Variants in ABCC4 observed in about 807,000 individuals in gnomAD.
ABCC4 encodes the protein ATP-binding cassette sub-family C member 4.
Under a neutral mutation model 168.5 loss-of-function variants are expected in ABCC4, and 102 were observed. The ratio of observed to expected loss-of-function variants is 0.61; its 90% CI spans 0.52 to 0.71. ABCC4 has a LOEUF of 0.71. Ranked by LOEUF, ABCC4 falls within the 30% of genes least tolerant of loss-of-function variation. The pLI, the probability that ABCC4 is intolerant of heterozygous loss-of-function variation, is 0.00. For missense variants in ABCC4, 1,402 were observed against 1,605.8 expected (o/e 0.87, Z 2.17); for synonymous variants, 617 against 590.7 (o/e 1.04, Z -0.65).
In ABCC4 at chr13:95,034,729, G is replaced by A. The variant is rs769480579; in HGVS notation, c.3746C>T (p.Ser1249Leu). ...CTCATCATATTCTTTCAGTCTTCCT[G>A]AATCTAAAACCTGTTAATCAGCAGA... ...IDSDKIMVLDSGRLKEYDEPY... is the reference protein window; with the variant it reads ...IDSDKIMVLDLGRLKEYDEPY... Residue 1249 changes from serine (S) to leucine (L), a missense_variant, in exon 30 of 31, where the codon TCA (serine) becomes TTA (leucine). By Grantham distance (145) the Ser-to-Leu change is moderately radical (BLOSUM62 -2). Around this residue, in one of 3 missense-constraint regions of ABCC4, gnomAD observed 1,007 missense variants for 1,127.3 expected, o/e 0.89. Coordinates refer to ENST00000645237, the MANE Select transcript of ABCC4 (RefSeq NM_005845.5). The A allele has an allele frequency of 3.7e-6, 6 of 1,613,910 alleles. No homozygotes were observed. In the South Asian group the frequency reaches 6.6e-5, roughly 18 times the overall value.
intron 8 of ABCC4, among the ~76,000 whole-genome samples, chr13:95,196,263 C>T (rs1477754513): frequency 6.6e-6 from 1 of 152,150 alleles, no homozygotes; most frequent in African/African-American, 2.4e-5. Context: ...ATTTTCTGTG[C>T]ATTTTTAGCC....
chr13:95,201,709 A>C (rs562023886), intron 8 of ABCC4, among the ~76,000 whole-genome samples: 2 of 152,292 alleles, frequency 1.3e-5, no homozygotes, highest in East Asian at 3.9e-4. Context: ...GCGGTGGCTT[A>C]TACCTGTAAT....
Position 95,110,892 on chromosome 13 carries a change from C to T in ABCC4, c.2535+5030G>A, listed in dbSNP as rs548311857. Reference sequence around the variant, plus strand: ...CTGAGGTATGAGAATTGCTTGAGCCCGGGAGGTGGAGGCTGCAGTGAGCTG... The same window carrying T: ...CTGAGGTATGAGAATTGCTTGAGCCTGGGAGGTGGAGGCTGCAGTGAGCTG... On this transcript the variant is annotated intron_variant, in intron 20 of 30. Coordinates refer to ENST00000645237, the MANE Select transcript of ABCC4 (RefSeq NM_005845.5). Among the ~76,000 whole-genome samples the T allele has an allele frequency of 6.1e-5, 9 of 148,660 alleles. No homozygotes were observed. The Admixed American group carries it at 6.1e-4, about 10-fold the overall frequency.
intron 19 of ABCC4, among the ~76,000 whole-genome samples, chr13:95,145,394 A>C (rs547435989): frequency 6.6e-6 from 1 of 151,942 alleles, no homozygotes; most frequent in East Asian, 1.9e-4. Context: ...AGGCAGGCAG[A>C]TCACTTGAGC....
chr13:95,067,415 C>T (rs2139298856), intron 25 of ABCC4, among the ~76,000 whole-genome samples: 1 of 152,244 alleles, frequency 6.6e-6, no homozygotes, highest in East Asian at 1.9e-4. Flanking sequence ...GGGCAATCCA[C>T]GAGCTCCACT....
chr13:95,083,177 CA>C lies in ABCC4; in HGVS notation c.2648del (p.Leu883TrpfsTer7), dbSNP rs2034152520. Reference protein sequence around the residue: ...IIFIFLRRYFLETSRDVKRLE... With the variant: ...IIFIFLRRYFXETSRDVKRLE... ...GGCGCTTCACATCTCTTGACGTTTC[CA>C]AAAAATATCGCCGAAGAAAAATGAA... On this transcript the variant is annotated frameshift_variant, in exon 21 of 31. Coordinates refer to ENST00000645237, the MANE Select transcript of ABCC4 (RefSeq NM_005845.5). LOFTEE classifies it high-confidence loss of function. 6.2e-7 allele frequency: 1 copy of C among 1,613,736 alleles called. No individual in the cohort carries two copies. The highest frequency in any genetic ancestry group is 2.2e-5 in the East Asian group (1 of 44,850).
At chr13:95,274,024 G>C (rs1331234986) in intron 1 of ABCC4, among the ~76,000 whole-genome samples, 1 of 152,014 alleles carries the variant, frequency 6.6e-6, no homozygotes, top group Non-Finnish European at 1.5e-5. Flanking sequence ...ATGATTGTGA[G>C]GTCTCCCCAG....
At chr13:95,243,064 A>G (rs1018863049) in intron 3 of ABCC4, among the ~76,000 whole-genome samples, 9 of 152,224 alleles carry the variant, frequency 5.9e-5, no homozygotes, top group Admixed American at 5.2e-4. Flanking sequence ...TTTATACCAT[A>G]AACCACCAAG....
chr13:95,175,849 G>GC (rs1555326357), intron 13 of ABCC4, among the ~76,000 whole-genome samples: 1 of 152,152 alleles, frequency 6.6e-6, no homozygotes, highest in Non-Finnish European at 1.5e-5. Context: ...CGCTGTGGAA[G>GC]CCCCCCAGCC....
chr13:95,037,862 C>T (rs1000157115), intron 29 of ABCC4, among the ~76,000 whole-genome samples: 1 of 151,992 alleles, frequency 6.6e-6, no homozygotes, highest in African/African-American at 2.4e-5. Flanking sequence ...AAAAAGAAGA[C>T]AAATTTTTTG....
At chr13:95,219,289 G>A (rs1462770819) in intron 4 of ABCC4, among the ~76,000 whole-genome samples, 1 of 152,156 alleles carries the variant, frequency 6.6e-6, no homozygotes, top group Non-Finnish European at 1.5e-5. Context: ...TTTATCGACT[G>A]AGAGGGGAAC....
rs1326061235 is a variant in ABCC4, at chr13:95,163,115, A to G, written c.2308+7T>C. 2 of 1,597,546 alleles carry G rather than the reference A, an allele frequency of 1.3e-6. No homozygotes were observed. Among genetic ancestry groups the G allele is most frequent in the African/African-American group, 1.3e-5 (1 of 74,606 alleles). On this transcript the variant is annotated splice_region_variant and intron_variant, in intron 18 of 30. Transcript: ENST00000645237. The stretch of plus-strand genomic sequence containing the variant: ...CTCATACAATACACCAAATGATTAA[A>G]CTTTACCTGAATAAATTCCTAAGTA...
intron 19 of ABCC4, among the ~76,000 whole-genome samples, chr13:95,160,568 T>C (rs929766830): frequency 2.0e-5 from 3 of 152,226 alleles, no homozygotes; most frequent in African/African-American, 2.4e-5. Flanking sequence ...GTCTCTATTA[T>C]AGAACCAAAA....
intron 1 of ABCC4, among the ~76,000 whole-genome samples, chr13:95,285,672 T>C (rs2041239454): frequency 6.6e-6 from 1 of 152,154 alleles, no homozygotes; most frequent in Admixed American, 6.6e-5. Flanking sequence ...AGCCAGGGTA[T>C]ATAACATGAG....
At chr13:95,111,127 A>G (rs1314586130) in intron 20 of ABCC4, among the ~76,000 whole-genome samples, 6 of 152,358 alleles carry the variant, frequency 3.9e-5, no homozygotes, top group Middle Eastern at 3.4e-3. Flanking sequence ...TTCAAAGAAC[A>G]TAAGTTCCAG....
chr13:95,076,275 T>C lies in ABCC4; in HGVS notation c.2687-724A>G, dbSNP rs1678343. On this transcript the variant is annotated intron_variant, in intron 21 of 30. Transcript: ENST00000645237. ...GCTCCAGGAACCGGACAGATGTTTT[T>C]ATGACTGCCCCACTGCAAACTTGTC... is the stretch of plus-strand genomic sequence containing the variant. Among the ~76,000 whole-genome samples, 1,400 of 152,306 alleles carry C rather than the reference T, an allele frequency of 9.2e-3. 22 individuals are homozygous for C. The highest frequency in any genetic ancestry group is 0.031 in the African/African-American group (1,306 of 41,562).
intron 1 of ABCC4, among the ~76,000 whole-genome samples, chr13:95,263,995 A>G (rs2040603218): frequency 6.6e-6 from 1 of 152,222 alleles, no homozygotes; most frequent in South Asian, 2.1e-4. Context: ...TTTGTGCCAC[A>G]AAAGTAATGA....
At chr13:95,178,653 C>G (rs2037791440) in intron 11 of ABCC4, among the ~76,000 whole-genome samples, 1 of 152,066 alleles carries the variant, frequency 6.6e-6, no homozygotes, top group African/African-American at 2.4e-5. Flanking sequence ...GATACGTGCC[C>G]AAGGTGTTCA....
rs973243487 is a variant in ABCC4, at chr13:95,247,726, G to T, written c.102C>A (p.Gly34=). The change falls in exon 2 of 31, where the codon GGC becomes GGA. Residue 34 remains glycine, a synonymous_variant. Coordinates refer to ENST00000645237, the MANE Select transcript of ABCC4 (RefSeq NM_005845.5). ...CATCTTCCTCTAATCTCCGTTTATG[G>T]CCAATTTTAAACAAGGGATTGAGCC... ...FWWLNPLFKI[G]HKRRLEEDDM... The T allele has an allele frequency of 1.9e-6, 3 of 1,613,662 alleles. No homozygotes were observed. In the African/African-American group the frequency reaches 4.0e-5, roughly 22 times the overall value.
Sources: gnomAD v4.1 joint callset for allele counts (sites outside exome capture counted in the v4.1 genomes callset) on GRCh38, gnomAD v4.1.1 for gene constraint, gnomAD v4.1.1 regional missense constraint, MANE v1.5 for transcripts, NCBI Gene and HGNC (gene_info 2026-07-23, HGNC 2026-07-21) for gene names.